The following AK7 variants were observed in gnomAD, a reference collection of about 807,000 sequenced individuals.
AK7 encodes the protein adenylate kinase 7, also known as ATP-AMP transphosphorylase 7.
AK7 carries 78 observed loss-of-function variants against 96.6 expected under a neutral mutation model. The ratio of observed to expected loss-of-function variants is 0.81; its 90% confidence interval spans 0.67 to 0.97. AK7 has a LOEUF of 0.97. Among genes scored for constraint, AK7 ranks in the 50% least tolerant of loss-of-function variants. The probability of loss-of-function intolerance (pLI) is 0.00; values close to 1 mark genes in which losing one functional copy is unlikely to be tolerated. For synonymous variants in AK7, 302 were observed against 317.2 expected (o/e 0.95, Z 0.51); for missense variants, 855 against 887.9 (o/e 0.96, Z 0.47).
At chr14:96,405,920 T>C (rs1268312766) in intron 3 of AK7, among the ~76,000 whole-genome samples, 2 of 152,220 alleles carry the variant, frequency 1.3e-5, no homozygotes, top group African/African-American at 4.8e-5. Flanking sequence ...TTTTTTTGTT[T>C]TGAGACAAGA....
Position 96,488,595 on chromosome 14 carries a change from T to C in AK7, c.*252T>C. 2.6e-6 allele frequency: 1 copy of C among 378,296 alleles called. No individual in the cohort carries two copies. Among genetic ancestry groups the C allele is most frequent in the East Asian group, 4.4e-5 (1 of 22,928 alleles). The allele number at this position is 378,296 out of a possible 1,614,324, so 23.4% of individuals were successfully genotyped here. A position where few individuals can be genotyped will look rare whatever the true frequency, so the allele number is the denominator to read the frequency against. ...CAAATACTGATTTAATATTTTATTCTTTAGTCAGATCTAAATATACCGCTT... is the reference window on the plus strand; with the variant it reads ...CAAATACTGATTTAATATTTTATTCCTTAGTCAGATCTAAATATACCGCTT... On this transcript the variant is annotated 3_prime_UTR_variant, in exon 18 of 18. Coordinates refer to ENST00000267584, the MANE Select transcript of AK7 (RefSeq NM_152327.5).
Position 96,488,411 on chromosome 14 carries a change from G to T in AK7, c.*68G>T. ...ATCACTTATTATACTTTGAAAAATT[G>T]CTTTGAAAAATGCTTTTCCAGTTCT... On this transcript the variant is annotated 3_prime_UTR_variant, in exon 18 of 18. Coordinates refer to ENST00000267584, the MANE Select transcript of AK7 (RefSeq NM_152327.5). The T allele has an allele frequency of 7.0e-7, 1 of 1,428,248 alleles. No homozygotes were observed. Among genetic ancestry groups the T allele is most frequent in the Non-Finnish European group, 9.5e-7 (1 of 1,050,064 alleles). The allele number at this position is 1,428,248 out of a possible 1,614,324, so 88.5% of individuals were successfully genotyped here.
chr14:96,471,776 CT>C (rs922165011), intron 13 of AK7, among the ~76,000 whole-genome samples, 170 bp downstream of exon 13: 18 of 151,274 alleles, frequency 1.2e-4, no homozygotes, highest in African/African-American at 2.2e-4. Context: ...TTTTTTCCCC[CT>C]GGATGGTGGC....
chr14:96,451,468 C>A lies in AK7; in HGVS notation c.996C>A (p.Leu332=). Residue 332 remains leucine (L), a synonymous_variant, in exon 10 of 18, where the codon CTC becomes CTA. Coordinates refer to ENST00000267584, the MANE Select transcript of AK7 (RefSeq NM_152327.5). ...HLLVNLRMEA[L]FVKENFNIRW... ...TGGTCAACTTAAGAATGGAAGCGCT[C>A]TTTGTGAAGGAGAATTTTAATATTC... 2 of 1,597,444 alleles carry A rather than the reference C, an allele frequency of 1.3e-6. No individual in the cohort carries two copies. The highest frequency in any genetic ancestry group is 1.7e-6 in the Non-Finnish European group (2 of 1,171,020).
intron 6 of AK7, among the ~76,000 whole-genome samples, chr14:96,441,133 A>T (rs1037049518): frequency 6.6e-6 from 1 of 152,214 alleles, no homozygotes; most frequent in Non-Finnish European, 1.5e-5. Context: ...GCGAATCTGC[A>T]TTTTTATGTA....
At chr14:96,480,615 A>G (rs1356804773) in intron 15 of AK7, among the ~76,000 whole-genome samples, 1 of 152,208 alleles carries the variant, frequency 6.6e-6, no homozygotes, top group Non-Finnish European at 1.5e-5. Flanking sequence ...TATTTAGAGA[A>G]CTAGGAAAGA....
chr14:96,449,875 T>A lies in AK7; in HGVS notation c.944T>A (p.Leu315Ter). 1.3e-6 allele frequency: 2 copies of A among 1,591,632 alleles called. No homozygotes were observed. The highest frequency in any genetic ancestry group is 2.2e-5 in the East Asian group (1 of 44,516). The change falls in exon 9 of 18, where the codon TTA (leucine) becomes TAA (stop). Residue 315 changes from leucine to a stop codon, truncating the protein, a stop_gained. Transcript: ENST00000267584. LOFTEE classifies it high-confidence loss of function. The stretch of plus-strand genomic sequence containing the variant: ...GAAAATGCATACCTAACCAAGGACT[T>A]AACGGTTAGTATATGCGGTGTTTTT... Reference protein sequence around the residue: ...PRENAYLTKDLTQDCLDHLLV... With the variant: ...PRENAYLTKD
intron 12 of AK7, among the ~76,000 whole-genome samples, chr14:96,467,486 C>A (rs1344264866): frequency 5.3e-5 from 8 of 152,150 alleles, no homozygotes; most frequent in Non-Finnish European, 1.2e-4. Context: ...CAGGCGCACG[C>A]CACCACACCC....
At chr14:96,443,649 A>G (rs189523104) in intron 7 of AK7, among the ~76,000 whole-genome samples, 231 of 152,252 alleles carry the variant, frequency 1.5e-3, no homozygotes, top group African/African-American at 5.1e-3. Flanking sequence ...GAAGGATCCT[A>G]TGAGTCAGGG....
At position 96,468,120 on chromosome 14, in the gene AK7, A is replaced by T. The variant is rs1259477866; in HGVS notation, c.1358-3358A>T. ...AATTAGCTGGGTATGGTGGTGTGCG[A>T]GGCACTAGGATTACCTGATCCCAGG... On this transcript the variant is annotated intron_variant, in intron 12 of 17. Transcript: ENST00000267584. Among the ~76,000 whole-genome samples the T allele has an allele frequency of 1.5e-4, 22 of 147,446 alleles. No homozygotes were observed. In the Admixed American group the frequency reaches 1.5e-3, roughly 10 times the overall value.
chr14:96,426,901 C>A (rs970408163), intron 5 of AK7, among the ~76,000 whole-genome samples: 1 of 152,132 alleles, frequency 6.6e-6, no homozygotes, highest in Non-Finnish European at 1.5e-5. Flanking sequence ...GTGTATTAGT[C>A]CATTTTCGCA....
intron 15 of AK7, among the ~76,000 whole-genome samples, chr14:96,479,548 AC>A (rs936321101): frequency 1.3e-5 from 2 of 151,734 alleles, no homozygotes; most frequent in Non-Finnish European, 2.9e-5. Flanking sequence ...CCCCGTAGCT[AC>A]CCAGAAGAGC....
chr14:96,458,196 C>A lies in AK7; in HGVS notation c.1341C>A (p.Ser447Arg). ...AQELLDGIKE[S>R]MEQNAGQLDD... The stretch of plus-strand genomic sequence containing the variant: ...AGCTCCTAGATGGCATCAAGGAGAG[C>A]ATGGAGCAGAATGCAGGTAACACAC... Residue 447 changes from serine (S) to arginine (R), a missense_variant, in exon 12 of 18, where the codon AGC becomes AGA. Coordinates refer to ENST00000267584, the MANE Select transcript of AK7 (RefSeq NM_152327.5). The A allele has an allele frequency of 6.2e-7, 1 of 1,613,762 alleles. No individual in the cohort carries two copies. The highest frequency in any genetic ancestry group is 8.5e-7 in the Non-Finnish European group (1 of 1,179,858).
intron 3 of AK7, among the ~76,000 whole-genome samples, chr14:96,408,452 A>G (rs1287602521): frequency 6.6e-6 from 1 of 152,244 alleles, no homozygotes; most frequent in Non-Finnish European, 1.5e-5. Context: ...GAGTTGTTCT[A>G]ATAAGGATCC....
intron 4 of AK7, among the ~76,000 whole-genome samples, chr14:96,415,824 A>AAATTAATTTAATACAT (rs1891317564): frequency 1.3e-4 from 14 of 105,038 alleles, no homozygotes; most frequent in African/African-American, 3.6e-4. Context: ...CATTAATTAA[A>AAATTAATTTAATACAT]TAATTAAGGT....
intron 6 of AK7, 101 bp downstream of exon 6, chr14:96,438,016 T>A: frequency 1.0e-6 from 1 of 966,310 alleles, no homozygotes; most frequent in Non-Finnish European, 1.6e-6. Flanking sequence ...GTTAGTGCAG[T>A]AGAATAGCAG....
intron 5 of AK7, chr14:96,423,762 C>T (rs972594444): frequency 5.5e-6 from 4 of 729,546 alleles, no homozygotes; most frequent in African/African-American, 1.7e-5. Context: ...TAACACGTGC[C>T]GGCCACCGGG....
rs761681729 is a variant in AK7 at position 96,392,254 on chromosome 14, G to A, written c.100G>A (p.Gly34Arg). The A allele has an allele frequency of 1.4e-5, 23 of 1,611,762 alleles. No homozygotes were observed. Among genetic ancestry groups the A allele is most frequent in the Non-Finnish European group, 1.8e-5 (21 of 1,178,172 alleles). The part of the protein sequence containing the change: ...LLDSYSSGNI[G>R]KFLSNCVVGA... ...GGATTCCTACAGCAGCGGAAACATC[G>A]GGAAGGTGAGCGGCGGCGGCGGCCC... is the stretch of plus-strand genomic sequence containing the variant. Residue 34 changes from glycine (G) to arginine (R), a missense_variant, in exon 1 of 18, where the codon GGG becomes AGG. By Grantham distance (125) the Gly-to-Arg change is moderately radical (BLOSUM62 -2). Transcript: ENST00000267584.
intron 16 of AK7, 53 bp from the exon 17 acceptor site, chr14:96,486,845 G>A: frequency 1.3e-6 from 2 of 1,542,876 alleles, no homozygotes; most frequent in Non-Finnish European, 1.8e-6. Context: ...CTGTGTGAGT[G>A]TTCTCCCCTT....
Sources: allele counts gnomAD v4.1 joint callset (sites outside exome capture counted in the v4.1 genomes callset), GRCh38; gene constraint gnomAD v4.1.1; transcripts MANE v1.5; gene names NCBI Gene and HGNC (gene_info 2026-07-23, HGNC 2026-07-21).